Variants in DTWD1 observed in about 807,000 individuals in gnomAD.
DTWD1 encodes the protein DTW motif tRNA-uridine aminocarboxypropyltransferase 1, also known as tRNA-uridine aminocarboxypropyltransferase 1.
DTWD1 carries 27 observed loss-of-function variants against 30.2 expected under a neutral mutation model. The ratio of observed to expected loss-of-function variants is 0.90; its 90% CI spans 0.66 to 1.23. The LOEUF (loss-of-function observed/expected upper bound fraction) is 1.23, where lower values mean the gene tolerates loss of function less well. Among genes scored for constraint, DTWD1 ranks in the 50% most tolerant of loss-of-function variants. The pLI, the probability that DTWD1 is intolerant of heterozygous loss-of-function variation, is 0.00. For missense variants in DTWD1, 342 were observed against 348.8 expected (o/e 0.98, Z 0.15); for synonymous variants, 99 against 113.1 (o/e 0.88, Z 0.79).
rs1227574879 is a variant in DTWD1 at position 49,651,568 on chromosome 15, A to C, written c.*7990A>C. 6.6e-6 allele frequency: 1 copy of C among 152,170 alleles called. No homozygotes were observed. The highest frequency in any genetic ancestry group is 1.5e-5 in the Non-Finnish European group (1 of 68,040). The allele number at this position is 152,170 out of a possible 1,614,324, so 9.4% of individuals were successfully genotyped here. ...GCTGTTGAATGTCCAACCTACAAGC[A>C]ACACAGACAATACTGCACCCCTGAT... On this transcript the variant is annotated 3_prime_UTR_variant, in exon 5 of 5. Coordinates refer to ENST00000403028, the MANE Select transcript of DTWD1 (RefSeq NM_001144955.2).
chr15:49,632,690 G>A (rs1245033946), intron 3 of DTWD1, among the ~76,000 whole-genome samples: 4 of 152,174 alleles, frequency 2.6e-5, no homozygotes, highest in South Asian at 2.1e-4. Flanking sequence ...AAAGAAGAAA[G>A]ACTGAGTTAG....
intron 1 of DTWD1, chr15:49,621,410 T>C (rs1204647605): frequency 6.6e-6 from 1 of 152,202 alleles, no homozygotes; most frequent in Admixed American, 6.5e-5. Flanking sequence ...GAAAAGTATG[T>C]CCTGGCAAAG....
At chr15:49,639,362 A>G (rs1026142517) in intron 4 of DTWD1, among the ~76,000 whole-genome samples, 1 of 152,132 alleles carries the variant, frequency 6.6e-6, no homozygotes, top group African/African-American at 2.4e-5. Context: ...GGAGTTCTAG[A>G]CTAGCCTAGG....
In DTWD1 at chr15:49,646,245, T is replaced by G. The variant is rs903106122; in HGVS notation, c.*2667T>G. ...TGACACCTACCTGATTCCAAACATG[T>G]GAGCAAGGAATGTCTATTATGCCAC... On this transcript the variant is annotated 3_prime_UTR_variant, in exon 5 of 5. Transcript: ENST00000403028. The G allele has an allele frequency of 6.6e-6, 1 of 152,230 alleles. No homozygotes were observed. Among genetic ancestry groups the G allele is most frequent in the Non-Finnish European group, 1.5e-5 (1 of 68,046 alleles). The allele number at this position is 152,230 out of a possible 1,614,324, so 9.4% of individuals were successfully genotyped here. A position where few individuals can be genotyped will look rare whatever the true frequency, so the allele number is the denominator to read the frequency against.
chr15:49,630,324 A>T (rs2078902776), intron 2 of DTWD1, among the ~76,000 whole-genome samples: 1 of 152,224 alleles, frequency 6.6e-6, no homozygotes, highest in Non-Finnish European at 1.5e-5. Context: ...ACAGTTTAAG[A>T]CATAAGAAAA....
chr15:49,629,054 T>G (rs1304144237), intron 2 of DTWD1, among the ~76,000 whole-genome samples: 2 of 152,178 alleles, frequency 1.3e-5, no homozygotes, highest in African/African-American at 4.8e-5. Flanking sequence ...TTCTCCTTGT[T>G]CAACTCCCAC....
chr15:49,640,318 A>G (rs1444474532), intron 4 of DTWD1, among the ~76,000 whole-genome samples: 2 of 152,142 alleles, frequency 1.3e-5, no homozygotes, highest in African/African-American at 4.8e-5. Context: ...GCTGAATAAT[A>G]TCTGTGATAT....
intron 4 of DTWD1, among the ~76,000 whole-genome samples, chr15:49,639,759 G>GATAAAA (rs1407086649): frequency 1.1e-4 from 16 of 152,032 alleles, no homozygotes; most frequent in African/African-American, 3.9e-4. Context: ...AGCATGCTTG[G>GATAAAA]GCATTTGTTC....
chr15:49,629,597 TGTG>T (rs1213944171), intron 2 of DTWD1: 2 of 152,176 alleles, frequency 1.3e-5, no homozygotes, highest in Admixed American at 1.3e-4. Flanking sequence ...ATAATACTGA[TGTG>T]GTGCTCAGAG....
In DTWD1 at chr15:49,645,574, G is replaced by C. The variant is rs2079112348; in HGVS notation, c.*1996G>C. 6.6e-6 allele frequency: 1 copy of C among 151,822 alleles called. No individual in the cohort carries two copies. Among genetic ancestry groups the C allele is most frequent in the Admixed American group, 6.6e-5 (1 of 15,218 alleles). 9.4% of individuals were successfully genotyped at this position (151,822 alleles called of 1,614,324 possible). ...AATTGATTTAAGCAGGGCCAAAGTTGGATTTCTCTAGGCTAAATTTGGACT... is the reference window on the plus strand; with the variant it reads ...AATTGATTTAAGCAGGGCCAAAGTTCGATTTCTCTAGGCTAAATTTGGACT... On this transcript the variant is annotated 3_prime_UTR_variant, in exon 5 of 5. Transcript: ENST00000403028.
In DTWD1 at chr15:49,646,969, G is replaced by C. The variant is rs1198593678; in HGVS notation, c.*3391G>C. ...AGCAGCATCGTTACAAGTATTACATGAATAAAGAAGTTTAGTAAAGAAATT... is the reference window on the plus strand; with the variant it reads ...AGCAGCATCGTTACAAGTATTACATCAATAAAGAAGTTTAGTAAAGAAATT... On this transcript the variant is annotated 3_prime_UTR_variant, in exon 5 of 5. Transcript: ENST00000403028. 1.3e-5 allele frequency: 2 copies of C among 152,104 alleles called. No individual in the cohort carries two copies. Among genetic ancestry groups the C allele is most frequent in the East Asian group, 1.9e-4 (1 of 5,178 alleles). 9.4% of individuals were successfully genotyped at this position (152,104 alleles called of 1,614,324 possible). A position where few individuals can be genotyped will look rare whatever the true frequency, so the allele number is the denominator to read the frequency against.
rs1218901684 is a variant in DTWD1 at position 49,654,172 on chromosome 15, A to G, written c.*10594A>G. ...TGAGAAACAGTAACTGAGGAAGTTT[A>G]TTGTATCTGGACATGGTTTAGATGA... On this transcript the variant is annotated 3_prime_UTR_variant, in exon 5 of 5. Coordinates refer to ENST00000403028, the MANE Select transcript of DTWD1 (RefSeq NM_001144955.2). 1 of 152,128 alleles carries G rather than the reference A, an allele frequency of 6.6e-6. No homozygotes were observed. Among genetic ancestry groups the G allele is most frequent in the Non-Finnish European group, 1.5e-5 (1 of 68,026 alleles). The allele number at this position is 152,128 out of a possible 1,614,324, so 9.4% of individuals were successfully genotyped here.
chr15:49,640,099 CCTT>C (rs1365227814), intron 4 of DTWD1, among the ~76,000 whole-genome samples: 1 of 152,070 alleles, frequency 6.6e-6, no homozygotes, highest in Non-Finnish European at 1.5e-5. Flanking sequence ...GTGCCATTCC[CCTT>C]CTTCCCCTGA....
intron 3 of DTWD1, among the ~76,000 whole-genome samples, chr15:49,632,934 T>G (rs1470323634): frequency 4.0e-5 from 6 of 151,776 alleles, no homozygotes; most frequent in African/African-American, 1.5e-4. Flanking sequence ...AGCCTTTTGG[T>G]CTCTTGGAGG....
chr15:49,622,807 G>A (rs2078779809), intron 1 of DTWD1, among the ~76,000 whole-genome samples: 1 of 152,152 alleles, frequency 6.6e-6, no homozygotes. Context: ...CTTCTACGTG[G>A]CCACCTCAGC....
At chr15:49,635,171 A>G (rs1039561875) in intron 4 of DTWD1, among the ~76,000 whole-genome samples, 2 of 151,932 alleles carry the variant, frequency 1.3e-5, no homozygotes, top group African/African-American at 4.8e-5. Flanking sequence ...GGTAGCTGGG[A>G]TTACAGGCGC....
intron 3 of DTWD1, among the ~76,000 whole-genome samples, chr15:49,633,127 T>C (rs927781591): frequency 3.4e-5 from 5 of 149,192 alleles, no homozygotes; most frequent in Non-Finnish European, 5.9e-5. Context: ...TATTTGAGTT[T>C]TGGATCTAGG....
In DTWD1 at chr15:49,652,582, G is replaced by A. The variant is rs2079158691; in HGVS notation, c.*9004G>A. 7.6e-6 allele frequency: 1 copy of A among 131,094 alleles called. No homozygotes were observed. Among genetic ancestry groups the A allele is most frequent in the Non-Finnish European group, 1.5e-5 (1 of 65,894 alleles). 8.1% of individuals were successfully genotyped at this position (131,094 alleles called of 1,614,324 possible). ...GGGAAATCTAGAATTGATAGTGGAG[G>A]ATGAGGGGATGTGACAAGTATTGAT... On this transcript the variant is annotated 3_prime_UTR_variant, in exon 5 of 5. Transcript: ENST00000403028.
chr15:49,629,890 A>G (rs949498214), intron 2 of DTWD1: 1 of 152,234 alleles, frequency 6.6e-6, no homozygotes, highest in African/African-American at 2.4e-5. Flanking sequence ...TGAGGAATTC[A>G]TTTGTAGGCC....
Sources: allele counts gnomAD v4.1 joint callset (sites outside exome capture counted in the v4.1 genomes callset), GRCh38; gene constraint gnomAD v4.1.1; transcripts MANE v1.5; gene names NCBI Gene and HGNC (gene_info 2026-07-23, HGNC 2026-07-21).